The following POLR1A variants were observed in gnomAD, a reference collection of about 807,000 sequenced individuals.
POLR1A encodes the protein RNA polymerase I subunit A.
POLR1A carries 84 observed loss-of-function variants against 205.3 expected under a neutral mutation model. That is an observed-to-expected ratio of 0.41 (90% CI 0.34 to 0.49). POLR1A has a LOEUF of 0.49. Ranked by LOEUF, POLR1A falls within the 20% of genes least tolerant of loss-of-function variation. The pLI, the probability that POLR1A is intolerant of heterozygous loss-of-function variation, is 0.22. For synonymous variants in POLR1A, 799 were observed against 863.7 expected (o/e 0.93, Z 1.31); for missense variants, 1,645 against 2,204.5 (o/e 0.75, Z 5.08).
At chr2:86,105,597 T>C (rs1573842475) in intron 1 of POLR1A, 103 bp downstream of exon 1, 1 of 733,810 alleles carries the variant, frequency 1.4e-6, no homozygotes, top group Non-Finnish European at 2.4e-6. Context: ...CAGACAAGCC[T>C]GGACTCAAGA....
chr2:86,055,840 A>C (rs144242960), intron 14 of POLR1A, among the ~76,000 whole-genome samples: 10 of 152,368 alleles, frequency 6.6e-5, no homozygotes, highest in African/African-American at 2.2e-4. Context: ...CAATGATAGA[A>C]GACTGGATGC....
In POLR1A at chr2:86,028,789, G is replaced by T; in HGVS notation, c.4780-78C>A. 2.0e-6 allele frequency: 2 copies of T among 1,016,126 alleles called. No homozygotes were observed. The highest frequency in any genetic ancestry group is 1.5e-6 in the Non-Finnish European group (1 of 653,826). 62.9% of individuals were successfully genotyped at this position (1,016,126 alleles called of 1,614,324 possible). A position where few individuals can be genotyped will look rare whatever the true frequency, so the allele number is the denominator to read the frequency against. The stretch of plus-strand genomic sequence containing the variant: ...TCTGCCTGCGTATCTCCCCCTGGCC[G>T]CTCTCTCTCTCCTTGTGTCTGGCAG... On this transcript the variant is annotated intron_variant, in intron 31 of 33. Coordinates refer to ENST00000263857, the MANE Select transcript of POLR1A (RefSeq NM_015425.6). The surrounding 1 kb of genome is among the most constrained non-coding windows in gnomAD (Gnocchi z 4.5).
At position 86,023,498 on chromosome 2, in the gene POLR1A, G is replaced by A. The variant is rs1354395466; in HGVS notation, c.*3925C>T. On this transcript the variant is annotated 3_prime_UTR_variant, in exon 34 of 34. Coordinates refer to ENST00000263857, the MANE Select transcript of POLR1A (RefSeq NM_015425.6). ...CTCCCCAGGTGCAGAACACTTAAGG[G>A]TCCCAACATCTGATTGAAACACAGC... The A allele has an allele frequency of 6.6e-6, 1 of 152,154 alleles. No homozygotes were observed. Among genetic ancestry groups the A allele is most frequent in the South Asian group, 2.1e-4 (1 of 4,830 alleles). 9.4% of individuals were successfully genotyped at this position (152,154 alleles called of 1,614,324 possible). A position where few individuals can be genotyped will look rare whatever the true frequency, so the allele number is the denominator to read the frequency against.
In POLR1A at chr2:86,024,327, A is replaced by G. The variant is rs6708146; in HGVS notation, c.*3096T>C. The G allele has an allele frequency of 0.011, 1,864 of 166,358 alleles. 44 individuals carry two copies. The highest frequency in any genetic ancestry group is 0.042 in the African/African-American group (1,764 of 42,198). 10.3% of individuals were successfully genotyped at this position (166,358 alleles called of 1,614,324 possible). On this transcript the variant is annotated 3_prime_UTR_variant, in exon 34 of 34. Coordinates refer to ENST00000263857, the MANE Select transcript of POLR1A (RefSeq NM_015425.6). ...GAGAAGTCAAATTCGTAGAGACAGA[A>G]CGTAGAACAGTGGTTGCCAGGGGCT...
intron 12 of POLR1A, among the ~76,000 whole-genome samples, chr2:86,073,202 A>G (rs1673210545): frequency 6.5e-5 from 1 of 15,294 alleles, no homozygotes; most frequent in Non-Finnish European, 1.3e-4. Context: ...TTGTCTCAAA[A>G]AAAAATAAAA....
chr2:86,044,464 G>T, intron 21 of POLR1A, 160 bp from the exon 22 acceptor site: 1 of 694,396 alleles, frequency 1.4e-6, no homozygotes, highest in Non-Finnish European at 2.4e-6. Context: ...CGGGGTCTGG[G>T]CTTGCTCCAG....
intron 25 of POLR1A, chr2:86,040,027 G>C (rs1372369452): frequency 4.7e-6 from 1 of 212,016 alleles, no homozygotes; most frequent in Non-Finnish European, 9.4e-6. Flanking sequence ...GGCCACGTGG[G>C]GGCACGTTCT....
At chr2:86,062,791 G>A (rs1673020031) in intron 14 of POLR1A, among the ~76,000 whole-genome samples, 1 of 151,916 alleles carries the variant, frequency 6.6e-6, no homozygotes, top group African/African-American at 2.4e-5. Context: ...AAACCTCTAG[G>A]CAAACTGATC....
At chr2:86,069,855 C>T (rs1247095659) in intron 13 of POLR1A, among the ~76,000 whole-genome samples, 163 bp downstream of exon 13, 1 of 152,240 alleles carries the variant, frequency 6.6e-6, no homozygotes, top group Admixed American at 6.5e-5. Context: ...GCCTCTAAGC[C>T]ACTAGATGGG....
At position 86,028,713 on chromosome 2, in the gene POLR1A, T is replaced by C; in HGVS notation, c.4780-2A>G. On this transcript the variant is annotated splice_acceptor_variant, in intron 31 of 33. Coordinates refer to ENST00000263857, the MANE Select transcript of POLR1A (RefSeq NM_015425.6). LOFTEE classifies it high-confidence loss of function. The surrounding 1 kb of genome is among the most constrained non-coding windows in gnomAD (Gnocchi z 4.5). The stretch of plus-strand genomic sequence containing the variant: ...GTAGAGGCGGCGCAGATCCAGGACC[T>C]GGAGAGAGGAAGGAAGGGATTTATT... 6.2e-7 allele frequency: 1 copy of C among 1,610,442 alleles called. No homozygotes were observed. Among genetic ancestry groups the C allele is most frequent in the Non-Finnish European group, 8.5e-7 (1 of 1,176,622 alleles).
chr2:86,047,612 A>C (rs140384850), intron 18 of POLR1A, among the ~76,000 whole-genome samples: 144 of 152,330 alleles, frequency 9.5e-4, no homozygotes, highest in African/African-American at 3.3e-3. Context: ...AGAAGAATAA[A>C]ATTTAAGGTG....
In POLR1A at chr2:86,039,505, G is replaced by A. The variant is rs747891538; in HGVS notation, c.3741-43C>T. 12 of 1,611,572 alleles carry A rather than the reference G, an allele frequency of 7.4e-6. No individual in the cohort carries two copies. The Admixed American group carries it at 2.0e-4, about 27-fold the overall frequency. Reference sequence around the variant, plus strand: ...CACATCCAATCATGAGTGGCAACCAGACCTTCTGTTTGGGTGCAGCTTCTC... The same window carrying A: ...CACATCCAATCATGAGTGGCAACCAAACCTTCTGTTTGGGTGCAGCTTCTC... On this transcript the variant is annotated intron_variant, in intron 25 of 33. Coordinates refer to ENST00000263857, the MANE Select transcript of POLR1A (RefSeq NM_015425.6).
chr2:86,040,560 C>T lies in POLR1A; in HGVS notation c.3573-1G>A. 1 of 1,556,678 alleles carries T rather than the reference C, an allele frequency of 6.4e-7. No individual in the cohort carries two copies. ...CTTCAGCTGCAGCAAGGTCCTCAAC[C>T]TAGAGACGGTGGTGGGGGGTCAGGG... is the stretch of plus-strand genomic sequence containing the variant. On this transcript the variant is annotated splice_acceptor_variant, in intron 24 of 33. Coordinates refer to ENST00000263857, the MANE Select transcript of POLR1A (RefSeq NM_015425.6). LOFTEE classifies it high-confidence loss of function.
In POLR1A at chr2:86,091,210, T is replaced by C. The variant is rs1673601055; in HGVS notation, c.433-1281A>G. Among the ~76,000 whole-genome samples the C allele has an allele frequency of 3.9e-5, 6 of 152,354 alleles. No homozygotes were observed. The South Asian group carries it at 1.2e-3, about 32-fold the overall frequency. On this transcript the variant is annotated intron_variant, in intron 3 of 33. Coordinates refer to ENST00000263857, the MANE Select transcript of POLR1A (RefSeq NM_015425.6). ...ATGCACACAGCAGAAGCAATGAGAA[T>C]CTTCTCTGGAGAAGGCAGCGTCATC...
At chr2:86,055,209 C>T (rs781270067) in intron 14 of POLR1A, among the ~76,000 whole-genome samples, 11 of 151,938 alleles carry the variant, frequency 7.2e-5, no homozygotes, top group East Asian at 3.9e-4. Context: ...GCACGATAAC[C>T]GCTTGAATCC....
intron 11 of POLR1A, among the ~76,000 whole-genome samples, chr2:86,075,937 T>G (rs1262112234): frequency 1.3e-5 from 2 of 152,188 alleles, no homozygotes; most frequent in Non-Finnish European, 2.9e-5. Context: ...ACATCCCTCA[T>G]CTACCCTGGC....
At position 86,070,971 on chromosome 2, in the gene POLR1A, G is replaced by A. The variant is rs557154200; in HGVS notation, c.1612-699C>T. ...AAAGCACCCACACAAGGTTAGATGA[G>A]TATGTATGTTTGTGTAGCAGCATTT... On this transcript the variant is annotated intron_variant, in intron 12 of 33. Coordinates refer to ENST00000263857, the MANE Select transcript of POLR1A (RefSeq NM_015425.6). This position sits in a 1 kb window ranked among gnomAD's most constrained non-coding sequence, Gnocchi z 4.4. Among the ~76,000 whole-genome samples, 100 of 152,010 alleles carry A rather than the reference G, an allele frequency of 6.6e-4. No individual in the cohort carries two copies. The highest frequency in any genetic ancestry group is 3.0e-3 in the Admixed American group (46 of 15,278).
chr2:86,075,367 G>C, intron 11 of POLR1A, 107 bp from the exon 12 acceptor site: 1 of 800,394 alleles, frequency 1.2e-6, no homozygotes, highest in Admixed American at 2.2e-5. Flanking sequence ...ATGTGGAGGA[G>C]CTGTTTGACT....
rs373804876 is a variant in POLR1A, at chr2:86,075,061, G to A, written c.1580C>T (p.Thr527Met). 174 of 1,611,402 alleles carry A rather than the reference G, an allele frequency of 1.1e-4. 1 individual carries two copies. In the African/African-American group the frequency reaches 1.8e-3, roughly 17 times the overall value. ...AVAKQLLTPATGAPKPQGTKI... is the reference protein window; with the variant it reads ...AVAKQLLTPAMGAPKPQGTKI... ...TGTCCCCTGGGGCTTAGGTGCCCCCGTGGCTGGGGTCAGAAGCTGCTTGGC... is the reference window on the plus strand; with the variant it reads ...TGTCCCCTGGGGCTTAGGTGCCCCCATGGCTGGGGTCAGAAGCTGCTTGGC... The change falls in exon 12 of 34, where the codon ACG becomes ATG. Residue 527 changes from threonine to methionine, a missense_variant. By Grantham distance (81) the Thr-to-Met change is moderately conservative. Coordinates refer to ENST00000263857, the MANE Select transcript of POLR1A (RefSeq NM_015425.6).
Sources: allele counts gnomAD v4.1 joint callset (sites outside exome capture counted in the v4.1 genomes callset), GRCh38; gene constraint gnomAD v4.1.1; non-coding constraint Gnocchi (gnomAD v3.1); transcripts MANE v1.5; gene names NCBI Gene and HGNC (gene_info 2026-07-23, HGNC 2026-07-21).